Variants in RFPL4B observed in about 807,000 individuals in gnomAD.
The protein encoded by RFPL4B is ret finger protein-like 4B.
For synonymous variants in RFPL4B, 118 were observed against 126.3 expected (o/e 0.93, Z 0.44); for missense variants, 314 against 327.7 (o/e 0.96, Z 0.32).
At position 112,349,926 on chromosome 6, in the gene RFPL4B, C is replaced by T. The variant is rs1474641716; in HGVS notation, c.218C>T (p.Thr73Ile). 6.2e-7 allele frequency: 1 copy of T among 1,614,192 alleles called. No individual in the cohort carries two copies. The highest frequency in any genetic ancestry group is 8.5e-7 in the Non-Finnish European group (1 of 1,180,036). The change falls in exon 3 of 3, where the codon ACC becomes ATC. Residue 73 changes from threonine to isoleucine, a missense_variant. By Grantham distance (89) the Thr-to-Ile change is moderately conservative. Coordinates refer to ENST00000441065, the MANE Select transcript of RFPL4B (RefSeq NM_001013734.3). Reference sequence around the variant, plus strand: ...CAAGTGAGCGTCCTAACACTTATGACCAAGCAGCACAATAGCCGACTTGAG... The same window carrying T: ...CAAGTGAGCGTCCTAACACTTATGATCAAGCAGCACAATAGCCGACTTGAG... The part of the protein sequence containing the change: ...EWQVSVLTLM[T>I]KQHNSRLEQS...
rs1789143025 is a variant in RFPL4B, at chr6:112,350,708, AGG to A, written c.*210_*211del. The A allele has an allele frequency of 1.9e-6, 1 of 526,884 alleles. No individual in the cohort carries two copies. Among genetic ancestry groups the A allele is most frequent in the African/African-American group, 1.9e-5 (1 of 52,476 alleles). 32.6% of individuals were successfully genotyped at this position (526,884 alleles called of 1,614,324 possible). On this transcript the variant is annotated 3_prime_UTR_variant, in exon 3 of 3. Transcript: ENST00000441065. ...TTGTAGCTAGGTAACTGGGGTCTTT[AGG>A]GATGTTATTAAGTACTGTAAGCTTC...
rs1789141881 is a variant in RFPL4B at position 112,350,594 on chromosome 6, A to G, written c.*94A>G. 6.2e-6 allele frequency: 6 copies of G among 973,750 alleles called. No homozygotes were observed. Among genetic ancestry groups the G allele is most frequent in the East Asian group, 4.9e-5 (2 of 41,112 alleles). 60.3% of individuals were successfully genotyped at this position (973,750 alleles called of 1,614,324 possible). On this transcript the variant is annotated 3_prime_UTR_variant, in exon 3 of 3. Transcript: ENST00000441065. ...GATTGAGGAAGAGATAATGTGCTAT[A>G]GTGCAAAGACTTGGTAAATTTTTAA...
rs1378929502 is a variant in RFPL4B, at chr6:112,350,412, T to TC, written c.705dup (p.Phe236LeufsTer13). 4 of 1,613,790 alleles carry TC rather than the reference T, an allele frequency of 2.5e-6. No individual in the cohort carries two copies. In the African/African-American group the frequency reaches 5.3e-5, roughly 22 times the overall value. ...GTCCTCATCTATACACATGATGGTTTCTTCTCTTTGGAGCTTTTGTGTCCA... is the reference window on the plus strand; with the variant it reads ...GTCCTCATCTATACACATGATGGTTTCCTTCTCTTTGGAGCTTTTGTGTCCA... On this transcript the variant is annotated frameshift_variant, in exon 3 of 3. Transcript: ENST00000441065. LOFTEE classifies it low-confidence loss of function (END_TRUNC).
At chr6:112,348,286 G>A (rs762397168) in intron 1 of RFPL4B, among the ~76,000 whole-genome samples, 3 of 152,136 alleles carry the variant, frequency 2.0e-5, no homozygotes, top group Non-Finnish European at 2.9e-5. Flanking sequence ...CTGGTTGTCC[G>A]CCAGCCAGGC....
Position 112,350,213 on chromosome 6 carries a change from A to G in RFPL4B, c.505A>G (p.Arg169Gly). The change falls in exon 3 of 3, where the codon AGA becomes GGA. Residue 169 changes from arginine (R) to glycine (G), a missense_variant. Arg to Gly is a moderately radical substitution (Grantham distance 125). Transcript: ENST00000441065. ...GGGCGTCTGCAAGGAGCCGGCTGAC[A>G]GAAAGAGCAATGATTTATTCCCTGA... is the stretch of plus-strand genomic sequence containing the variant. Reference protein sequence around the residue: ...SLGVCKEPADRKSNDLFPEHG... With the variant: ...SLGVCKEPADGKSNDLFPEHG... 1 of 1,614,208 alleles carries G rather than the reference A, an allele frequency of 6.2e-7. No homozygotes were observed. Among genetic ancestry groups the G allele is most frequent in the Non-Finnish European group, 8.5e-7 (1 of 1,180,030 alleles).
chr6:112,349,964 G>T lies in RFPL4B; in HGVS notation c.256G>T (p.Val86Leu), dbSNP rs754936084. ...HNSRLEQSLH[V>L]REELRHFRED... is the part of the protein sequence containing the mutation. ...TAGCCGACTTGAGCAAAGTCTGCAC[G>T]TGAGGGAGGAGCTCCGGCATTTTCG... Residue 86 changes from valine (V) to leucine (L), a missense_variant, in exon 3 of 3, where the codon GTG (valine) becomes TTG (leucine). By Grantham distance (32) the Val-to-Leu change is conservative. Coordinates refer to ENST00000441065, the MANE Select transcript of RFPL4B (RefSeq NM_001013734.3). 1 of 1,614,212 alleles carries T rather than the reference G, an allele frequency of 6.2e-7. No homozygotes were observed. Among genetic ancestry groups the T allele is most frequent in the Admixed American group, 1.7e-5 (1 of 60,026 alleles).
chr6:112,350,320 TCGC>T lies in RFPL4B; in HGVS notation c.615_617del (p.Arg206del), dbSNP rs1276224036. On this transcript the variant is annotated inframe_deletion, in exon 3 of 3. Transcript: ENST00000441065. ...AGAGAATTCCTGCAAGCCCTCGCCT[TCGC>T]CGTGTGGGAATTTTCCTGGATGCTG... is the stretch of plus-strand genomic sequence containing the variant. 6.2e-7 allele frequency: 1 copy of T among 1,614,258 alleles called. No homozygotes were observed. Among genetic ancestry groups the T allele is most frequent in the Non-Finnish European group, 8.5e-7 (1 of 1,180,052 alleles).
rs764420783 is a variant in RFPL4B at position 112,349,848 on chromosome 6, C to T, written c.140C>T (p.Ala47Val). ...ATACTAGAAAACCATGATTTTAGAG[C>T]GATGTGCCCCTTGTGTCGAGACGTG... Reference protein sequence around the residue: ...RYILENHDFRAMCPLCRDVVK... With the variant: ...RYILENHDFRVMCPLCRDVVK... The change falls in exon 3 of 3, where the codon GCG becomes GTG. Residue 47 changes from alanine (A) to valine (V), a missense_variant. By Grantham distance (64) the Ala-to-Val change is moderately conservative. Coordinates refer to ENST00000441065, the MANE Select transcript of RFPL4B (RefSeq NM_001013734.3). 13 of 1,614,012 alleles carry T rather than the reference C, an allele frequency of 8.1e-6. No individual in the cohort carries two copies. Among genetic ancestry groups the T allele is most frequent in the South Asian group, 7.7e-5 (7 of 91,082 alleles).
In RFPL4B at chr6:112,350,138, G is replaced by C; in HGVS notation, c.430G>C (p.Gly144Arg). The C allele has an allele frequency of 1.2e-6, 2 of 1,614,138 alleles. No individual in the cohort carries two copies. Among genetic ancestry groups the C allele is most frequent in the Non-Finnish European group, 1.7e-6 (2 of 1,180,032 alleles). ...CCTGGGTACTCCCTGCTTCTCCTCC[G>C]GCCAACATTACTGGGAGGTTGAAGT... ...CVLGTPCFSSGQHYWEVEVGE... is the reference protein window; with the variant it reads ...CVLGTPCFSSRQHYWEVEVGE... Residue 144 changes from glycine to arginine, a missense_variant, in exon 3 of 3, where the codon GGC becomes CGC. By Grantham distance (125) the Gly-to-Arg change is moderately radical (BLOSUM62 -2). Transcript: ENST00000441065.
chr6:112,347,615 T>C (rs1286482719), intron 1 of RFPL4B, among the ~76,000 whole-genome samples: 1 of 152,252 alleles, frequency 6.6e-6, no homozygotes, highest in Non-Finnish European at 1.5e-5. Flanking sequence ...CATGAACTTG[T>C]ATTTTTATGT....
Position 112,350,581 on chromosome 6 carries a change from GAT to G in RFPL4B, c.*83_*84del. The G allele has an allele frequency of 9.3e-7, 1 of 1,078,288 alleles. No individual in the cohort carries two copies. The allele number at this position is 1,078,288 out of a possible 1,614,324, so 66.8% of individuals were successfully genotyped here. ...GAAAGGTCAGCATGATTGAGGAAGAGATAATGTGCTATAGTGCAAAGACTTGG... is the reference window on the plus strand; with the variant it reads ...GAAAGGTCAGCATGATTGAGGAAGAGAATGTGCTATAGTGCAAAGACTTGG... On this transcript the variant is annotated 3_prime_UTR_variant, in exon 3 of 3. Transcript: ENST00000441065.
chr6:112,349,560 C>A (rs1173039328), intron 2 of RFPL4B, 44 bp from the exon 3 acceptor site: 1 of 332,240 alleles, frequency 3.0e-6, no homozygotes, highest in Admixed American at 4.3e-5. Flanking sequence ...TTATGTATGC[C>A]AATAACTTAT....
Position 112,351,211 on chromosome 6 carries a change from A to C in RFPL4B, c.*711A>C, listed in dbSNP as rs1789150473. 6.0e-6 allele frequency: 1 copy of C among 167,012 alleles called. No individual in the cohort carries two copies. The highest frequency in any genetic ancestry group is 1.9e-4 in the East Asian group (1 of 5,198). 10.3% of individuals were successfully genotyped at this position (167,012 alleles called of 1,614,324 possible). On this transcript the variant is annotated 3_prime_UTR_variant, in exon 3 of 3. Transcript: ENST00000441065. ...TTATCAACCATGTTAACTAACACATATTCATCAAAAATTGTTTTCAAGGTT... is the reference window on the plus strand; with the variant it reads ...TTATCAACCATGTTAACTAACACATCTTCATCAAAAATTGTTTTCAAGGTT...
intron 1 of RFPL4B, among the ~76,000 whole-genome samples, chr6:112,347,863 A>G (rs1186367927): frequency 1.3e-5 from 2 of 151,966 alleles, no homozygotes; most frequent in African/African-American, 4.8e-5. Flanking sequence ...AATCCCAGCT[A>G]CTCAGGAGAC....
chr6:112,348,188 A>G (rs12205406), intron 1 of RFPL4B, among the ~76,000 whole-genome samples: 29,627 of 152,182 alleles, frequency 0.19, 3,108 homozygotes, highest in Middle Eastern at 0.25. Context: ...ATACATTCCA[A>G]GGTGGGTTAG....
Position 112,350,208 on chromosome 6 carries a change from C to A in RFPL4B, c.500C>A (p.Ala167Asp), listed in dbSNP as rs1353543156. Residue 167 changes from alanine to aspartate, a missense_variant, in exon 3 of 3, where the codon GCT (alanine) becomes GAT (aspartate). Coordinates refer to ENST00000441065, the MANE Select transcript of RFPL4B (RefSeq NM_001013734.3). ...SWSLGVCKEPADRKSNDLFPE... is the reference protein window; with the variant it reads ...SWSLGVCKEPDDRKSNDLFPE... ...TCCCTGGGCGTCTGCAAGGAGCCGG[C>A]TGACAGAAAGAGCAATGATTTATTC... The A allele has an allele frequency of 1.3e-5, 21 of 1,614,184 alleles. No homozygotes were observed. Among genetic ancestry groups the A allele is most frequent in the Non-Finnish European group, 1.8e-5 (21 of 1,180,048 alleles).
At position 112,350,547 on chromosome 6, in the gene RFPL4B, T is replaced by TCA; in HGVS notation, c.*47_*48insCA. 1 of 1,480,186 alleles carries TCA rather than the reference T, an allele frequency of 6.8e-7. No individual in the cohort carries two copies. The highest frequency in any genetic ancestry group is 9.1e-7 in the Non-Finnish European group (1 of 1,098,534). The allele number at this position is 1,480,186 out of a possible 1,614,324, so 91.7% of individuals were successfully genotyped here. A position where few individuals can be genotyped will look rare whatever the true frequency, so the allele number is the denominator to read the frequency against. ...GCTTTCTGAGAGGTGAAAGAGAATT[T>TCA]TGGCCTGAGAAAGGTCAGCATGATT... is the stretch of plus-strand genomic sequence containing the variant. On this transcript the variant is annotated 3_prime_UTR_variant, in exon 3 of 3. Transcript: ENST00000441065.
In RFPL4B at chr6:112,347,399, C is replaced by G. The variant is rs1355657002; in HGVS notation, c.-243C>G. On this transcript the variant is annotated 5_prime_UTR_variant, in exon 1 of 3. Coordinates refer to ENST00000441065, the MANE Select transcript of RFPL4B (RefSeq NM_001013734.3). ...CTTTTAGAATTCTGCTGGAAGTCTC[C>G]AAGTCAAGGTAAGTTATACCTTCTG... 1 of 152,216 alleles carries G rather than the reference C, an allele frequency of 6.6e-6. No individual in the cohort carries two copies. The highest frequency in any genetic ancestry group is 2.1e-4 in the South Asian group (1 of 4,830). 9.4% of individuals were successfully genotyped at this position (152,216 alleles called of 1,614,324 possible).
At chr6:112,347,668 T>A (rs537674847) in intron 1 of RFPL4B, among the ~76,000 whole-genome samples, 50 of 152,388 alleles carry the variant, frequency 3.3e-4, no homozygotes, top group African/African-American at 1.1e-3. Context: ...AAATGGTTTC[T>A]TTTTATTTTC....
Sources: allele counts gnomAD v4.1 joint callset (sites outside exome capture counted in the v4.1 genomes callset), GRCh38; gene constraint gnomAD v4.1.1; transcripts MANE v1.5; gene names NCBI Gene and HGNC (gene_info 2026-07-23, HGNC 2026-07-21).